Variants in MMP7 observed in about 807,000 individuals in gnomAD.
The protein encoded by MMP7 is matrix metallopeptidase 7, also known as matrilysin.
A neutral mutation model predicts 31.5 loss-of-function variants in MMP7; 26 were observed. The ratio of observed to expected loss-of-function variants is 0.83; its 90% CI spans 0.61 to 1.15. MMP7 has a LOEUF of 1.15. Among genes scored for constraint, MMP7 ranks in the 50% most tolerant of loss-of-function variants. The pLI is 0.00. For missense variants in MMP7, 367 were observed against 326.5 expected (o/e 1.12, Z -0.96); for synonymous variants, 142 against 124.2 (o/e 1.14, Z -0.95).
intron 1 of MMP7, among the ~76,000 whole-genome samples, chr11:102,530,112 T>C (rs1340081120): frequency 6.6e-6 from 1 of 152,230 alleles, no homozygotes; most frequent in Non-Finnish European, 1.5e-5. Context: ...ACTTCAGATA[T>C]CTCCATTACA....
In MMP7 at chr11:102,522,133, A is replaced by G. The variant is rs78630583; in HGVS notation, c.775+1107T>C. On this transcript the variant is annotated intron_variant, in intron 5 of 5. Transcript: ENST00000260227. ...TAGTGTTTCTTGAACTTATTTCTCC[A>G]TAGCCTCCTTTTCTGGGAATCACCC... is the stretch of plus-strand genomic sequence containing the variant. 5.3e-3 allele frequency among the ~76,000 whole-genome samples: 806 copies of G among 152,358 alleles called. 5 individuals are homozygous for G. Among genetic ancestry groups the G allele is most frequent in the African/African-American group, 0.018 (757 of 41,564 alleles).
intron 3 of MMP7, among the ~76,000 whole-genome samples, chr11:102,526,540 T>C (rs1441813860): frequency 6.6e-6 from 1 of 152,110 alleles, no homozygotes; most frequent in Non-Finnish European, 1.5e-5. Context: ...CCCTGCTGTG[T>C]TATATATTTT....
chr11:102,522,918 A>G (rs996309909), intron 5 of MMP7, among the ~76,000 whole-genome samples: 1 of 152,200 alleles, frequency 6.6e-6, no homozygotes, highest in African/African-American at 2.4e-5. Context: ...GTCCACCCCT[A>G]CAGGGGACAC....
chr11:102,527,874 A>G lies in MMP7; in HGVS notation c.218T>C (p.Met73Thr). 1 of 1,614,126 alleles carries G rather than the reference A, an allele frequency of 6.2e-7. No homozygotes were observed. Among genetic ancestry groups the G allele is most frequent in the Non-Finnish European group, 8.5e-7 (1 of 1,180,000 alleles). ...TATTTCTATGACGCGGGAGTTTAAC[A>G]TTCCAGTTATAGGTAGGCCAAAGAA... ...QKFFGLPITG[M>T]LNSRVIEIMQ... Residue 73 changes from methionine to threonine, a missense_variant, in exon 2 of 6, where the codon ATG (methionine) becomes ACG (threonine). Transcript: ENST00000260227.
At chr11:102,530,518 G>C (rs1858723145) in intron 1 of MMP7, 75 bp downstream of exon 1, 1 of 1,199,172 alleles carries the variant, frequency 8.3e-7, no homozygotes, top group Non-Finnish European at 1.2e-6. Context: ...CATGGGAAGG[G>C]AAATAATTGA....
Position 102,527,807 on chromosome 11 carries a change from G to C in MMP7, c.285C>G (p.Tyr95Ter). Residue 95 changes from tyrosine (Y) to a stop codon, truncating the protein, a stop_gained, in exon 2 of 6, where the codon TAC becomes TAG. Transcript: ENST00000260227. LOFTEE classifies it high-confidence loss of function. ...PRCGVPDVAE[Y>*]SLFPNSPKWT... ...ATTTTGGGCTATTTGGAAATAGTGA[G>C]TATTCTGCAACATCTGGCACTCCAC... 5.0e-6 allele frequency: 8 copies of C among 1,614,154 alleles called. No homozygotes were observed. The highest frequency in any genetic ancestry group is 6.8e-6 in the Non-Finnish European group (8 of 1,180,022).
At chr11:102,522,352 C>G (rs1858622767) in intron 5 of MMP7, among the ~76,000 whole-genome samples, 1 of 152,230 alleles carries the variant, frequency 6.6e-6, no homozygotes, top group Non-Finnish European at 1.5e-5. Flanking sequence ...GCAGTGTATT[C>G]TCTTCATCCT....
chr11:102,527,184 CT>C (rs1344190273), intron 3 of MMP7: 2 of 300,292 alleles, frequency 6.7e-6, no homozygotes, highest in Admixed American at 9.5e-5. Context: ...AGTGTTTAAG[CT>C]TTGTGATCTC....
At chr11:102,529,465 T>G (rs1284666962) in intron 1 of MMP7, among the ~76,000 whole-genome samples, 1 of 152,196 alleles carries the variant, frequency 6.6e-6, no homozygotes, top group Admixed American at 6.5e-5. Context: ...CAACCTTCAC[T>G]CTAAGTAAAG....
chr11:102,526,094 T>G (rs903411625), intron 3 of MMP7, among the ~76,000 whole-genome samples: 2 of 151,618 alleles, frequency 1.3e-5, no homozygotes, highest in African/African-American at 2.4e-5. Context: ...ATTTGCACCA[T>G]GAAACACTAG....
Position 102,530,627 on chromosome 11 carries a change from C to T in MMP7, c.74G>A (p.Gly25Glu), listed in dbSNP as rs1244583716. ...TTCCCACTGTAGCTCACTCATGCCT[C>T]CCGCCTCCTGAGGCAGCGGCAGGGC... Reference protein sequence around the residue: ...SLALPLPQEAGGMSELQWEQA... With the variant: ...SLALPLPQEAEGMSELQWEQA... The change falls in exon 1 of 6, where the codon GGA becomes GAA. Residue 25 changes from glycine to glutamate, a missense_variant. Gly to Glu is a moderately conservative substitution (Grantham distance 98). Coordinates refer to ENST00000260227, the MANE Select transcript of MMP7 (RefSeq NM_002423.5). The T allele has an allele frequency of 1.2e-6, 2 of 1,614,046 alleles. No individual in the cohort carries two copies. Among genetic ancestry groups the T allele is most frequent in the South Asian group, 2.2e-5 (2 of 91,066 alleles).
intron 3 of MMP7, among the ~76,000 whole-genome samples, chr11:102,526,214 TAAA>T (rs10565156): frequency 0.17 from 20,491 of 123,778 alleles, 2,039 homozygotes; most frequent in Non-Finnish European, 0.23. Context: ...AAAACCCACG[TAAA>T]AAAAAAAAAT....
At chr11:102,520,839 T>A (rs770495717) in intron 5 of MMP7, 35 bp from the exon 6 acceptor site, 4 of 1,404,698 alleles carry the variant, frequency 2.8e-6, no homozygotes, top group Non-Finnish European at 3.0e-6. Context: ...TTCTGATATG[T>A]AGAAAATGCA....
rs375196173 is a variant in MMP7, at chr11:102,522,619, T to A, written c.775+621A>T. 1.1e-3 allele frequency among the ~76,000 whole-genome samples: 169 copies of A among 152,346 alleles called. 2 individuals carry two copies. The highest frequency in any genetic ancestry group is 3.7e-3 in the African/African-American group (154 of 41,578). On this transcript the variant is annotated intron_variant, in intron 5 of 5. Transcript: ENST00000260227. ...ATCCAGAGACAGAGCTTTTTATTCT[T>A]GTCCTTTGATTTCTTTCTCAAATAC...
At chr11:102,527,442 A>G in intron 3 of MMP7, 82 bp downstream of exon 3, 1 of 1,513,592 alleles carries the variant, frequency 6.6e-7, no homozygotes, top group Non-Finnish European at 9.2e-7. Context: ...AAGGATTTTA[A>G]TCTTCATAAG....
chr11:102,528,437 A>C (rs1376860907), intron 1 of MMP7, among the ~76,000 whole-genome samples: 1 of 152,206 alleles, frequency 6.6e-6, no homozygotes, highest in African/African-American at 2.4e-5. Context: ...AAAGGGTCTT[A>C]AAATTTTAGC....
At chr11:102,523,504 C>T (rs1279776064) in intron 4 of MMP7, 103 bp from the exon 5 acceptor site, 7 of 1,022,744 alleles carry the variant, frequency 6.8e-6, no homozygotes, top group Admixed American at 3.5e-5. Flanking sequence ...AAGAAAAATA[C>T]CCAAGTTTTA....
chr11:102,521,998 T>C (rs190365475), intron 5 of MMP7, among the ~76,000 whole-genome samples: 292 of 152,358 alleles, frequency 1.9e-3, no homozygotes, highest in African/African-American at 6.8e-3. Context: ...TGCTAGTTTA[T>C]GGGACTCATT....
At chr11:102,526,369 A>G (rs991550275) in intron 3 of MMP7, among the ~76,000 whole-genome samples, 1 of 151,670 alleles carries the variant, frequency 6.6e-6, no homozygotes, top group South Asian at 2.1e-4. Context: ...CCTCCCAAGC[A>G]GCTGGAATTA....
Sources: gnomAD v4.1 joint callset for allele counts (sites outside exome capture counted in the v4.1 genomes callset) on GRCh38, gnomAD v4.1.1 for gene constraint, MANE v1.5 for transcripts, NCBI Gene and HGNC (gene_info 2026-07-23, HGNC 2026-07-21) for gene names.